Variants in IMMP2L observed in about 807,000 individuals in gnomAD.
IMMP2L encodes the protein inner mitochondrial membrane peptidase subunit 2, also known as mitochondrial inner membrane protease subunit 2.
A neutral mutation model predicts 19.3 loss-of-function variants in IMMP2L; 18 were observed. That is an observed-to-expected ratio of 0.93 (90% CI 0.64 to 1.38). The LOEUF (loss-of-function observed/expected upper bound fraction) is 1.38. Among genes scored for constraint, IMMP2L ranks in the 40% most tolerant of loss-of-function variants. The pLI is 0.00. For synonymous variants in IMMP2L, 76 were observed against 73.0 expected (o/e 1.04, Z -0.21); for missense variants, 233 against 218.2 (o/e 1.07, Z -0.43).
intron 3 of IMMP2L, among the ~76,000 whole-genome samples, chr7:111,281,174 GAAAGAA>G (rs1819730804): frequency 5.3e-5 from 4 of 75,734 alleles, no homozygotes; most frequent in African/African-American, 5.7e-5. Flanking sequence ...AAGAAAGAAA[GAAAGAA>G]AGAAAGAAAG....
At chr7:111,078,532 A>C (rs1430917987) in intron 3 of IMMP2L, among the ~76,000 whole-genome samples, 2 of 152,160 alleles carry the variant, frequency 1.3e-5, no homozygotes, top group African/African-American at 2.4e-5. Flanking sequence ...AAAATAATAA[A>C]GATTATTTTT....
At chr7:111,050,249 C>T (rs1163746116) in intron 3 of IMMP2L, among the ~76,000 whole-genome samples, 1 of 152,154 alleles carries the variant, frequency 6.6e-6, no homozygotes, top group Admixed American at 6.5e-5. Context: ...GGGAGCAATA[C>T]AGTAAAGAAT....
At chr7:110,688,645 A>T (rs1372585189) in intron 5 of IMMP2L, among the ~76,000 whole-genome samples, 1 of 152,144 alleles carries the variant, frequency 6.6e-6, no homozygotes, top group Non-Finnish European at 1.5e-5. Flanking sequence ...GTCCATTATT[A>T]GTTTACATAA....
intron 3 of IMMP2L, among the ~76,000 whole-genome samples, chr7:111,239,954 A>G (rs1218242210): frequency 1.3e-5 from 2 of 151,964 alleles, no homozygotes; most frequent in Non-Finnish European, 2.9e-5. Flanking sequence ...TCCTTAAGGA[A>G]ACACCTTTTG....
At chr7:111,197,458 A>G (rs1207857348) in intron 3 of IMMP2L, among the ~76,000 whole-genome samples, 1 of 152,170 alleles carries the variant, frequency 6.6e-6, no homozygotes, top group Admixed American at 6.5e-5. Context: ...GCGAGACTCC[A>G]TCTCAAAACA....
intron 3 of IMMP2L, among the ~76,000 whole-genome samples, chr7:111,465,815 C>A (rs1422657168): frequency 6.6e-6 from 1 of 152,028 alleles, no homozygotes; most frequent in Non-Finnish European, 1.5e-5. Context: ...CCCAGCAATC[C>A]CATTACTGGG....
chr7:111,186,497 T>C (rs896319565), intron 3 of IMMP2L, among the ~76,000 whole-genome samples: 2 of 152,154 alleles, frequency 1.3e-5, no homozygotes, highest in Admixed American at 6.5e-5. Flanking sequence ...CTCAGCTCAC[T>C]GCAGCCTCCA....
At chr7:111,461,735 G>T (rs557036633) in intron 3 of IMMP2L, among the ~76,000 whole-genome samples, 1 of 152,072 alleles carries the variant, frequency 6.6e-6, no homozygotes, top group South Asian at 2.1e-4. Flanking sequence ...ATAATAGTTG[G>T]ATAACAGTAC....
intron 4 of IMMP2L, among the ~76,000 whole-genome samples, chr7:110,938,567 T>C (rs1444731695): frequency 6.6e-6 from 1 of 152,146 alleles, no homozygotes; most frequent in Non-Finnish European, 1.5e-5. Flanking sequence ...CCACTACAGC[T>C]TATGCATTTG....
intron 5 of IMMP2L, among the ~76,000 whole-genome samples, chr7:110,762,377 A>G (rs959004636): frequency 2.6e-5 from 4 of 152,102 alleles, no homozygotes; most frequent in Non-Finnish European, 5.9e-5. Flanking sequence ...CAATCAATCT[A>G]TGTAAGAAAA....
intron 3 of IMMP2L, among the ~76,000 whole-genome samples, chr7:111,432,521 C>T (rs1353407171): frequency 6.6e-6 from 1 of 151,622 alleles, no homozygotes; most frequent in Non-Finnish European, 1.5e-5. Context: ...AGCATGGCTT[C>T]GTGATAAAAA....
chr7:111,313,946 T>C lies in IMMP2L; in HGVS notation c.239+173292A>G, dbSNP rs554542190. On this transcript the variant is annotated intron_variant, in intron 3 of 5. Transcript: ENST00000405709. ...TTTGTGATAGTGAGTTCTCGCAAGA[T>C]CTAGTCATTTGAAAGAGTGTGGCAC... Among the ~76,000 whole-genome samples, 5 of 152,216 alleles carry C rather than the reference T, an allele frequency of 3.3e-5. No homozygotes were observed. The East Asian group carries it at 9.7e-4, about 29-fold the overall frequency.
intron 3 of IMMP2L, among the ~76,000 whole-genome samples, chr7:111,364,326 T>C (rs1829555854): frequency 6.6e-6 from 1 of 152,142 alleles, no homozygotes; most frequent in Non-Finnish European, 1.5e-5. Context: ...ATTTTACTTT[T>C]ATTTTGGTTT....
chr7:110,730,591 C>A (rs1210158561), intron 5 of IMMP2L, among the ~76,000 whole-genome samples: 1 of 150,824 alleles, frequency 6.6e-6, no homozygotes, highest in Non-Finnish European at 1.5e-5. Context: ...TGCATGCCAT[C>A]TCGGCTCACT....
In IMMP2L at chr7:110,662,891, G is replaced by C. The variant is rs536852544; in HGVS notation, c.*711C>G. 2.0e-5 allele frequency among the ~76,000 whole-genome samples: 3 copies of C among 152,304 alleles called. No homozygotes were observed. Among genetic ancestry groups the C allele is most frequent in the African/African-American group, 7.2e-5 (3 of 41,556 alleles). On this transcript the variant is annotated 3_prime_UTR_variant, in exon 6 of 6. Transcript: ENST00000405709. Reference sequence around the variant, plus strand: ...TTGTGAATAGGCATGAGATCACTCAGAAATGTTGGATTACAAAGGGCCAAT... The same window carrying C: ...TTGTGAATAGGCATGAGATCACTCACAAATGTTGGATTACAAAGGGCCAAT...
intron 2 of IMMP2L, among the ~76,000 whole-genome samples, chr7:111,497,518 G>A (rs1843703733): frequency 6.6e-6 from 1 of 151,978 alleles, no homozygotes; most frequent in Non-Finnish European, 1.5e-5. Flanking sequence ...ATATATATTT[G>A]GATATGTCTG....
chr7:111,401,855 A>T (rs559045131), intron 3 of IMMP2L, among the ~76,000 whole-genome samples: 1 of 152,060 alleles, frequency 6.6e-6, no homozygotes, highest in Admixed American at 6.6e-5. Flanking sequence ...CACTGCCAAC[A>T]TTCCAAACAC....
chr7:110,717,198 C>T (rs940890010), intron 5 of IMMP2L, among the ~76,000 whole-genome samples: 4 of 152,118 alleles, frequency 2.6e-5, no homozygotes, highest in Admixed American at 6.5e-5. Context: ...CAACTCAAGC[C>T]GGGCGTGGTG....
chr7:111,412,143 T>C (rs1834490350), intron 3 of IMMP2L, among the ~76,000 whole-genome samples: 1 of 151,326 alleles, frequency 6.6e-6, no homozygotes, highest in African/African-American at 2.4e-5. Context: ...ATGCACCTAA[T>C]AATGAAGCTT....
Sources: gnomAD v4.1 joint callset for allele counts (sites outside exome capture counted in the v4.1 genomes callset) on GRCh38, gnomAD v4.1.1 for gene constraint, MANE v1.5 for transcripts, NCBI Gene and HGNC (gene_info 2026-07-23, HGNC 2026-07-21) for gene names.